The following HADHA variants were observed in gnomAD, a reference collection of about 807,000 sequenced individuals.
HADHA encodes hydroxyacyl-CoA dehydrogenase trifunctional multienzyme complex subunit alpha.
Under a neutral mutation model 91.3 loss-of-function variants are expected in HADHA, and 59 were observed. That is an observed-to-expected ratio of 0.65 (90% CI 0.52 to 0.80). The LOEUF (loss-of-function observed/expected upper bound fraction) is 0.80. Ranked by LOEUF, HADHA falls within the 30% of genes least tolerant of loss-of-function variation. The pLI is 0.00. For synonymous variants in HADHA, 320 were observed against 338.9 expected (o/e 0.94, Z 0.61); for missense variants, 800 against 927.6 (o/e 0.86, Z 1.79).
chr2:26,207,297 AAAAG>A (rs1295385686), intron 11 of HADHA, among the ~76,000 whole-genome samples: 2 of 152,054 alleles, frequency 1.3e-5, no homozygotes, highest in Admixed American at 6.6e-5. Context: ...TGAAAGGAGA[AAAAG>A]AATGCATTAT....
At chr2:26,223,020 T>A (rs1199016780) in intron 7 of HADHA, among the ~76,000 whole-genome samples, 2 of 152,214 alleles carry the variant, frequency 1.3e-5, no homozygotes, top group Non-Finnish European at 2.9e-5. Context: ...AGTTCACTAT[T>A]ACCCCTAGTG....
intron 4 of HADHA, among the ~76,000 whole-genome samples, chr2:26,236,359 G>GTGTGTA (rs141555532): frequency 5.4e-4 from 74 of 137,924 alleles, no homozygotes; most frequent in Non-Finnish European, 6.2e-4. Flanking sequence ...GTGTGTGTGT[G>GTGTGTA]TATATATATA....
chr2:26,191,166 TA>T lies in HADHA; in HGVS notation c.*83del, dbSNP rs1669484583. ...GGAGTTTGTCTTCTCGTTACTCTGATAAATCTAGACACCACTCTGTTGGAGA... is the reference window on the plus strand; with the variant it reads ...GGAGTTTGTCTTCTCGTTACTCTGATAATCTAGACACCACTCTGTTGGAGA... On this transcript the variant is annotated 3_prime_UTR_variant, in exon 20 of 20. Transcript: ENST00000380649. The T allele has an allele frequency of 7.2e-7, 1 of 1,396,846 alleles. No individual in the cohort carries two copies. Among genetic ancestry groups the T allele is most frequent in the Non-Finnish European group, 1.0e-6 (1 of 985,120 alleles). 86.5% of individuals were successfully genotyped at this position (1,396,846 alleles called of 1,614,324 possible).
At position 26,192,386 on chromosome 2, in the gene HADHA, C is replaced by T. The variant is rs751082827; in HGVS notation, c.1924G>A (p.Gly642Ser). ...GAATTCAAATCCTTCCTCTTCACAC[C>T]CTCCTGATAGATGTAAAAGCCCTTC... Reference protein sequence around the residue: ...SGKGFYIYQEGVKRKDLNSDM... With the variant: ...SGKGFYIYQESVKRKDLNSDM... The change falls in exon 18 of 20, where the codon GGT (glycine) becomes AGT (serine). Residue 642 changes from glycine to serine, a missense_variant. Transcript: ENST00000380649. 5.0e-6 allele frequency: 8 copies of T among 1,607,802 alleles called. 1 individual carries two copies. The Admixed American group carries it at 8.3e-5, about 17-fold the overall frequency.
At chr2:26,228,460 T>C (rs1670535517) in intron 7 of HADHA, among the ~76,000 whole-genome samples, 2 of 152,106 alleles carry the variant, frequency 1.3e-5, no homozygotes, top group East Asian at 3.9e-4. Context: ...AAGATGAATG[T>C]TCATAGCAGC....
In HADHA at chr2:26,214,404, G is replaced by A; in HGVS notation, c.918+39C>T. The A allele has an allele frequency of 1.1e-6, 1 of 948,048 alleles. No homozygotes were observed. 58.7% of individuals were successfully genotyped at this position (948,048 alleles called of 1,614,324 possible). A position where few individuals can be genotyped will look rare whatever the true frequency, so the allele number is the denominator to read the frequency against. On this transcript the variant is annotated intron_variant, in intron 9 of 19. Coordinates refer to ENST00000380649, the MANE Select transcript of HADHA (RefSeq NM_000182.5). The surrounding 1 kb of genome is among the most constrained non-coding windows in gnomAD (Gnocchi z 4.1). ...AGGAGGAGTGATCTATATAAAGGAA[G>A]GAAATATGAGAAAAGTGGGAATATT...
chr2:26,204,226 TA>T, intron 11 of HADHA, 30 bp from the exon 12 acceptor site: 1 of 1,608,560 alleles, frequency 6.2e-7, no homozygotes, highest in Non-Finnish European at 8.5e-7. Context: ...TGACTTTCGG[TA>T]AACTGATCTT....
chr2:26,241,201 G>A (rs1280652221), intron 1 of HADHA, among the ~76,000 whole-genome samples: 3 of 152,090 alleles, frequency 2.0e-5, no homozygotes, highest in Admixed American at 6.6e-5. Context: ...GAAGAGAGCT[G>A]GATTATGCTA....
In HADHA at chr2:26,241,483, A is replaced by C. The variant is rs544678400; in HGVS notation, c.68-2340T>G. On this transcript the variant is annotated intron_variant, in intron 1 of 19. Transcript: ENST00000380649. ...AAAAATACAACAACAACAACAAAAA[A>C]AAAAAAACAAAAAAAAAGTTAGCTG... Among the ~76,000 whole-genome samples, 633 of 151,664 alleles carry C rather than the reference A, an allele frequency of 4.2e-3. 3 individuals are homozygous for C. Among genetic ancestry groups the C allele is most frequent in the African/African-American group, 0.014 (599 of 41,364 alleles).
chr2:26,225,068 T>A (rs549939750), intron 7 of HADHA, among the ~76,000 whole-genome samples: 1 of 152,306 alleles, frequency 6.6e-6, no homozygotes, highest in Non-Finnish European at 1.5e-5. Flanking sequence ...TAGCCCTATA[T>A]CTATTAATTG....
In HADHA at chr2:26,204,150, G is replaced by A. The variant is rs137852770; in HGVS notation, c.1132C>T (p.Gln378Ter). 2 of 1,613,554 alleles carry A rather than the reference G, an allele frequency of 1.2e-6. No individual in the cohort carries two copies. Among genetic ancestry groups the A allele is most frequent in the Non-Finnish European group, 1.7e-6 (2 of 1,179,544 alleles). Residue 378 changes from glutamine (Q) to a stop codon, truncating the protein, a stop_gained, in exon 12 of 20, where the codon CAA (glutamine) becomes TAA (stop). Transcript: ENST00000380649. LOFTEE classifies it high-confidence loss of function. ...GAGLMGAGIA[Q>*]VSVDKGLKTI... ...TTTAGCCCCTTATCCACGGAGACTT[G>A]GGCGATGCCTGCTCCCATCAGCCCT...
chr2:26,236,753 G>C (rs767772925), intron 4 of HADHA, 102 bp downstream of exon 4: 2 of 908,582 alleles, frequency 2.2e-6, no homozygotes, highest in Non-Finnish European at 3.6e-6. Context: ...CTGTGTCACT[G>C]TGCCCAGCAC....
chr2:26,204,826 G>A (rs1293604529), intron 11 of HADHA, among the ~76,000 whole-genome samples: 4 of 152,068 alleles, frequency 2.6e-5, no homozygotes, highest in Non-Finnish European at 5.9e-5. Context: ...GGCCTCAAAT[G>A]ATCCTCCCAC....
intron 18 of HADHA, among the ~76,000 whole-genome samples, chr2:26,192,051 G>T (rs1669522313): frequency 6.6e-6 from 1 of 152,194 alleles, no homozygotes; most frequent in Non-Finnish European, 1.5e-5. Flanking sequence ...ATGCTGGGCA[G>T]AGACCAAGGA....
Position 26,197,718 on chromosome 2 carries a change from G to A in HADHA, c.1452C>T (p.Ile484=), listed in dbSNP as rs758386186. ...TCTCAGGTCTTTTGCTGACAGCAGC[G>A]ATTTCACTGATTGGGAGAGCAGATG... is the stretch of plus-strand genomic sequence containing the variant. The part of the protein sequence containing the change: ...SNTSALPISE[I]AAVSKRPEKV... The change falls in exon 14 of 20, where the codon ATC becomes ATT. Residue 484 remains isoleucine, a synonymous_variant. Coordinates refer to ENST00000380649, the MANE Select transcript of HADHA (RefSeq NM_000182.5). The A allele has an allele frequency of 2.6e-6, 4 of 1,535,818 alleles. No individual in the cohort carries two copies. Among genetic ancestry groups the A allele is most frequent in the Non-Finnish European group, 3.6e-6 (4 of 1,108,302 alleles).
chr2:26,208,435 G>C (rs755861566), intron 11 of HADHA, among the ~76,000 whole-genome samples: 10 of 152,120 alleles, frequency 6.6e-5, no homozygotes, highest in Non-Finnish European at 1.5e-4. Flanking sequence ...GAGGAGTCTG[G>C]AGTTAATAAA....
intron 6 of HADHA, among the ~76,000 whole-genome samples, chr2:26,231,304 T>C (rs1670616582): frequency 6.6e-6 from 1 of 152,218 alleles, no homozygotes; most frequent in Non-Finnish European, 1.5e-5. Flanking sequence ...TGTTGAGCCT[T>C]GTTTTCACTG....
chr2:26,192,072 G>C (rs1221325162), intron 18 of HADHA, among the ~76,000 whole-genome samples: 1 of 152,178 alleles, frequency 6.6e-6, no homozygotes, highest in Non-Finnish European at 1.5e-5. Context: ...GCACGTGCGA[G>C]GGCCTTCCAC....
chr2:26,240,186 T>G (rs916722933), intron 1 of HADHA, among the ~76,000 whole-genome samples: 11 of 152,236 alleles, frequency 7.2e-5, no homozygotes, highest in Non-Finnish European at 1.2e-4. Context: ...CTGTAGCAGG[T>G]GTTTCACCAA....
Sources: gnomAD v4.1 joint callset for allele counts (sites outside exome capture counted in the v4.1 genomes callset) on GRCh38, gnomAD v4.1.1 for gene constraint, Gnocchi (gnomAD v3.1) non-coding constraint, MANE v1.5 for transcripts, NCBI Gene and HGNC (gene_info 2026-07-23, HGNC 2026-07-21) for gene names.